Variants in PPP1R9A observed in about 807,000 individuals in gnomAD.
The protein encoded by PPP1R9A is neurabin-1.
Under a neutral mutation model 141.9 loss-of-function variants are expected in PPP1R9A, and 59 were observed. The ratio of observed to expected loss-of-function variants is 0.42; its 90% CI spans 0.34 to 0.52. The LOEUF (loss-of-function observed/expected upper bound fraction) is 0.52. PPP1R9A is among the 20% of genes least tolerant of loss of function. The pLI is 0.10. For synonymous variants in PPP1R9A, 500 were observed against 569.7 expected (o/e 0.88, Z 1.74); for missense variants, 1,444 against 1,611.9 (o/e 0.90, Z 1.78).
At chr7:95,260,892 A>T (rs999869458) in intron 12 of PPP1R9A, among the ~76,000 whole-genome samples, 2 of 152,142 alleles carry the variant, frequency 1.3e-5, no homozygotes, top group Non-Finnish European at 1.5e-5. Flanking sequence ...TTTCAAGGAA[A>T]CTTCAGAAGA....
At chr7:95,271,098 C>A in intron 14 of PPP1R9A, among the ~76,000 whole-genome samples, 1 of 152,150 alleles carries the variant, frequency 6.6e-6, no homozygotes, top group East Asian at 1.9e-4. Flanking sequence ...CAGAGACAGG[C>A]ACATATCATA....
At chr7:95,185,378 A>ATTTTTTTTTTTTTTTTTTTTTTTTTTTTT (rs147366122) in intron 5 of PPP1R9A, among the ~76,000 whole-genome samples, 3 of 148,808 alleles carry the variant, frequency 2.0e-5, no homozygotes, top group African/African-American at 4.9e-5. Context: ...TTTTTATGGG[A>ATTTTTTTTTTTTTTTTTTTTTTTTTTTTT]TTTTTTTTTT....
chr7:95,100,877 G>C (rs1818684526), intron 2 of PPP1R9A, among the ~76,000 whole-genome samples: 1 of 133,928 alleles, frequency 7.5e-6, no homozygotes, highest in South Asian at 2.5e-4. Context: ...TTTTGAGACG[G>C]AGTCTCGCTC....
chr7:94,941,774 A>T lies in PPP1R9A; in HGVS notation c.1395+30266A>T, dbSNP rs191920960. On this transcript the variant is annotated intron_variant, in intron 2 of 19. Coordinates refer to ENST00000433360, the MANE Select transcript of PPP1R9A (RefSeq NM_001166160.2). ...GTTGTAAATTATATATGTCTTACAA[A>T]TGATCTTTTATGATTTGATGATGAA... Among the ~76,000 whole-genome samples, 4 of 152,240 alleles carry T rather than the reference A, an allele frequency of 2.6e-5. No homozygotes were observed. In the East Asian group the frequency reaches 7.7e-4, roughly 29 times the overall value.
chr7:95,283,197 A>G (rs552352065), intron 16 of PPP1R9A, among the ~76,000 whole-genome samples: 200 of 152,372 alleles, frequency 1.3e-3, no homozygotes, highest in Middle Eastern at 6.8e-3. Context: ...CAGATATGAA[A>G]GAACCTACAT....
intron 2 of PPP1R9A, among the ~76,000 whole-genome samples, chr7:95,037,510 G>A (rs1317820900): frequency 1.3e-5 from 2 of 152,134 alleles, no homozygotes; most frequent in Non-Finnish European, 2.9e-5. Flanking sequence ...GATTAGAGGA[G>A]TTAAATAATC....
At chr7:95,046,733 A>G (rs1224078133) in intron 2 of PPP1R9A, among the ~76,000 whole-genome samples, 1 of 152,138 alleles carries the variant, frequency 6.6e-6, no homozygotes, top group Admixed American at 6.5e-5. Context: ...CTTCTTTTTC[A>G]TACCAGCTTT....
At chr7:95,031,928 A>G (rs1438153854) in intron 2 of PPP1R9A, among the ~76,000 whole-genome samples, 1 of 152,218 alleles carries the variant, frequency 6.6e-6, no homozygotes, top group African/African-American at 2.4e-5. Context: ...CAGCTAGTAA[A>G]TGCCTGAGGC....
At chr7:95,062,480 G>T (rs1050027463) in intron 2 of PPP1R9A, among the ~76,000 whole-genome samples, 2 of 149,620 alleles carry the variant, frequency 1.3e-5, no homozygotes, top group Non-Finnish European at 3.0e-5. Context: ...GTACAGTGGT[G>T]CAGTCTCAGC....
chr7:95,078,987 G>T (rs922630834), intron 2 of PPP1R9A, among the ~76,000 whole-genome samples: 33 of 151,998 alleles, frequency 2.2e-4, no homozygotes, highest in Middle Eastern at 6.8e-3. Context: ...TTAGTTTAAT[G>T]AGATCCCATT....
At chr7:94,919,578 A>G (rs913626152) in intron 2 of PPP1R9A, among the ~76,000 whole-genome samples, 1 of 151,968 alleles carries the variant, frequency 6.6e-6, no homozygotes, top group African/African-American at 2.4e-5. Flanking sequence ...CTTCTCTTAT[A>G]TTGTCACTTT....
chr7:95,067,939 G>T (rs1205040136), intron 2 of PPP1R9A, among the ~76,000 whole-genome samples: 1 of 152,008 alleles, frequency 6.6e-6, no homozygotes, highest in African/African-American at 2.4e-5. Flanking sequence ...CTGGATATGT[G>T]GAAAATTACA....
chr7:95,274,249 T>C (rs1477298817), intron 16 of PPP1R9A, 81 bp downstream of exon 16: 2 of 1,274,096 alleles, frequency 1.6e-6, no homozygotes, highest in Non-Finnish European at 2.2e-6. Flanking sequence ...CCAAAATCAG[T>C]GGTCAGTATC....
intron 7 of PPP1R9A, among the ~76,000 whole-genome samples, chr7:95,223,140 T>C (rs1794685948): frequency 6.6e-6 from 1 of 151,964 alleles, no homozygotes; most frequent in Admixed American, 6.6e-5. Context: ...TCAGGATGCT[T>C]ATAAGGCTAA....
intron 2 of PPP1R9A, among the ~76,000 whole-genome samples, chr7:94,972,184 T>G (rs1313836778): frequency 1.3e-5 from 2 of 152,238 alleles, no homozygotes; most frequent in African/African-American, 4.8e-5. Flanking sequence ...CTTGGTATTG[T>G]ACTGTACTTA....
chr7:95,145,314 G>A (rs548107406), intron 4 of PPP1R9A, among the ~76,000 whole-genome samples: 2 of 152,304 alleles, frequency 1.3e-5, no homozygotes, highest in South Asian at 2.1e-4. Flanking sequence ...GCTGTCTGCA[G>A]TGAATATATT....
chr7:95,038,362 A>C (rs970064757), intron 2 of PPP1R9A, among the ~76,000 whole-genome samples: 2 of 152,106 alleles, frequency 1.3e-5, no homozygotes, highest in African/African-American at 4.8e-5. Context: ...GCTGAAGACT[A>C]AGTATTCAGC....
At chr7:95,050,143 G>A (rs1810588702) in intron 2 of PPP1R9A, among the ~76,000 whole-genome samples, 1 of 152,166 alleles carries the variant, frequency 6.6e-6, no homozygotes, top group African/African-American at 2.4e-5. Context: ...GTCCTTAGCA[G>A]CATTCGGTAT....
intron 2 of PPP1R9A, among the ~76,000 whole-genome samples, chr7:95,081,996 TG>T (rs1815917753): frequency 1.3e-5 from 2 of 152,184 alleles, no homozygotes; most frequent in South Asian, 4.1e-4. Context: ...AGTATTGGAT[TG>T]CCTTAGAAAT....
Sources: allele counts gnomAD v4.1 joint callset (sites outside exome capture counted in the v4.1 genomes callset), GRCh38; gene constraint gnomAD v4.1.1; transcripts MANE v1.5; gene names NCBI Gene and HGNC (gene_info 2026-07-23, HGNC 2026-07-21).